Variants in USP35 observed in about 807,000 individuals in gnomAD.
USP35 encodes ubiquitin carboxyl-terminal hydrolase 35.
USP35 carries 69 observed loss-of-function variants against 83.8 expected under a neutral mutation model. The observed-to-expected ratio is 0.82, with a 90% CI of 0.68 to 1.01. USP35 has a LOEUF of 1.01. Ranked by LOEUF, USP35 falls within the 50% of genes least tolerant of loss-of-function variation. The pLI, the probability that USP35 is intolerant of heterozygous loss-of-function variation, is 0.00. For missense variants in USP35, 1,503 were observed against 1,362.5 expected (o/e 1.10, Z -1.62); for synonymous variants, 714 against 589.5 (o/e 1.21, Z -3.06).
chr11:78,198,148 G>T, intron 3 of USP35, 80 bp downstream of exon 3: 1 of 1,588,092 alleles, frequency 6.3e-7, no homozygotes, highest in Non-Finnish European at 8.6e-7. Flanking sequence ...TCCTGGGTGG[G>T]CCGCTGGGCT....
downstream of USP35, chr11:78,219,559 T>TGA (rs1303743423): frequency 1.4e-6 from 1 of 718,802 alleles, no homozygotes; most frequent in Non-Finnish European, 2.4e-6. Flanking sequence ...CTCAGGAGCC[T>TGA]GGCTTCTCTT....
chr11:78,209,950 A>G lies in USP35; in HGVS notation c.2095A>G (p.Ser699Gly). Residue 699 changes from serine (S) to glycine (G), a missense_variant, in exon 10 of 11, where the codon AGC becomes GGC. Physicochemically the swap from Ser to Gly is moderately conservative, Grantham distance 56 (BLOSUM62 0). Transcript: ENST00000529308. The stretch of plus-strand genomic sequence containing the variant: ...GGAAGAAGTGGGGGAGGAGGAGGAA[A>G]GCACCAGAGGGGAAGGAGAGAGGGA... The part of the protein sequence containing the change: ...EKEEVGEEEE[S>G]TRGEGEREKE... 6.2e-7 allele frequency: 1 copy of G among 1,609,702 alleles called. No homozygotes were observed. The highest frequency in any genetic ancestry group is 2.2e-5 in the East Asian group (1 of 44,728).
At chr11:78,197,884 G>A in intron 2 of USP35, 52 bp from the exon 3 acceptor site, 1 of 1,591,098 alleles carries the variant, frequency 6.3e-7, no homozygotes, top group African/African-American at 1.3e-5. Flanking sequence ...GTGTGCTGGG[G>A]GAAGGGAGGG....
At chr11:78,221,720 G>A in the USP35 span, 3 of 1,613,742 alleles carry the variant, frequency 1.9e-6, no homozygotes, top group Non-Finnish European at 8.5e-7. Context: ...GTCTGTGCTG[G>A]TGATGCTCTG....
chr11:78,212,810 G>T (rs1863841143), intron 10 of USP35, among the ~76,000 whole-genome samples: 2 of 152,104 alleles, frequency 1.3e-5, no homozygotes, highest in Non-Finnish European at 2.9e-5. Context: ...ATAATGACAT[G>T]ATTCTGTATC....
the USP35 span, among the ~76,000 whole-genome samples, chr11:78,224,609 G>A: frequency 1.3e-5 from 2 of 152,152 alleles, no homozygotes; most frequent in Non-Finnish European, 2.9e-5. Flanking sequence ...TGTCTTTTCA[G>A]TGGGCCTGAA....
the USP35 span, among the ~76,000 whole-genome samples, chr11:78,234,503 T>C: frequency 6.6e-6 from 1 of 151,528 alleles, no homozygotes; most frequent in Admixed American, 6.6e-5. Flanking sequence ...AATGTCAAGC[T>C]GTTTCAGCAT....
At position 78,200,184 on chromosome 11, in the gene USP35, C is replaced by T; in HGVS notation, c.988C>T (p.Leu330Phe). ...PIVRGAALSV[L>F]KYMLLTFQHS... ...CGTCCGGGGAGCTGCCTTGTCTGTG[C>T]TCAAGTACATGCTCCTGACCTTCCA... The change falls in exon 5 of 11, where the codon CTC becomes TTC. Residue 330 changes from leucine (L) to phenylalanine (F), a missense_variant. Physicochemically the swap from Leu to Phe is conservative, Grantham distance 22. Coordinates refer to ENST00000529308, the MANE Select transcript of USP35 (RefSeq NM_020798.4). The T allele has an allele frequency of 6.2e-7, 1 of 1,614,208 alleles. No homozygotes were observed. The highest frequency in any genetic ancestry group is 8.5e-7 in the Non-Finnish European group (1 of 1,180,024).
the USP35 span, among the ~76,000 whole-genome samples, chr11:78,227,724 C>T: frequency 1.1e-4 from 16 of 151,620 alleles, no homozygotes; most frequent in African/African-American, 3.9e-4. Context: ...CGCTTGAACC[C>T]AGAAGTTCGA....
chr11:78,205,948 A>T lies in USP35; in HGVS notation c.1304A>T (p.Lys435Met). 6.2e-7 allele frequency: 1 copy of T among 1,614,280 alleles called. No homozygotes were observed. Reference protein sequence around the residue: ...LAGFYPRLMAKSDTGKIGLIN... With the variant: ...LAGFYPRLMAMSDTGKIGLIN... ...GGTTTCTATCCCCGGCTCATGGCCAAGTCAGACACGGGCAAGATTGGTCTC... is the reference window on the plus strand; with the variant it reads ...GGTTTCTATCCCCGGCTCATGGCCATGTCAGACACGGGCAAGATTGGTCTC... The change falls in exon 7 of 11, where the codon AAG becomes ATG. Residue 435 changes from lysine to methionine, a missense_variant. Lys to Met is a moderately conservative substitution (Grantham distance 95). Coordinates refer to ENST00000529308, the MANE Select transcript of USP35 (RefSeq NM_020798.4).
downstream of USP35, chr11:78,216,626 G>C (rs1302261659): frequency 6.6e-6 from 1 of 150,516 alleles, no homozygotes; most frequent in Non-Finnish European, 1.5e-5. Context: ...AGAATAGGGG[G>C]CTGGAAGGAA....
Position 78,196,597 on chromosome 11 carries a change from G to A in USP35, c.352G>A (p.Asp118Asn). 7.9e-7 allele frequency: 1 copy of A among 1,267,898 alleles called. No homozygotes were observed. The allele number at this position is 1,267,898 out of a possible 1,614,324, so 78.5% of individuals were successfully genotyped here. A position where few individuals can be genotyped will look rare whatever the true frequency, so the allele number is the denominator to read the frequency against. ...LQLLPEGPAA[D>N]EVFALLRREV... ...GCTGCTGCCCGAGGGGCCTGCGGCCGACGAGGTGTTCGCGCTGCTGCGGCG... is the reference window on the plus strand; with the variant it reads ...GCTGCTGCCCGAGGGGCCTGCGGCCAACGAGGTGTTCGCGCTGCTGCGGCG... The change falls in exon 2 of 11, where the codon GAC (aspartate) becomes AAC (asparagine). Residue 118 changes from aspartate to asparagine, a missense_variant. Coordinates refer to ENST00000529308, the MANE Select transcript of USP35 (RefSeq NM_020798.4). This position sits in a 1 kb window ranked among gnomAD's most constrained non-coding sequence, Gnocchi z 4.8.
In USP35 at chr11:78,191,803, G is replaced by A. The variant is rs1401819940; in HGVS notation, c.-11+2646G>A. On this transcript the variant is annotated intron_variant, in intron 1 of 10. Transcript: ENST00000529308. ...TATCTGTGTCTCCCATCAGTGCCAG[G>A]TGGCCCAAAAATAGACTCATGACAG... Among the ~76,000 whole-genome samples, 7 of 151,650 alleles carry A rather than the reference G, an allele frequency of 4.6e-5. 1 individual carries two copies. Among genetic ancestry groups the A allele is most frequent in the Admixed American group, 2.0e-4 (3 of 15,220 alleles).
In USP35 at chr11:78,213,710, G is replaced by A. The variant is rs1273367358; in HGVS notation, c.2954G>A (p.Trp985Ter). The change falls in exon 11 of 11, where the codon TGG becomes TAG. Residue 985 changes from tryptophan (W) to a stop codon, truncating the protein, a stop_gained. Transcript: ENST00000529308. LOFTEE classifies it high-confidence loss of function. ...TCTGCACTCCCCACATCTCCGCACT[G>A]GGGGAGGGGCTTTGATGAAGACAAG... Reference protein sequence around the residue: ...YISALPTSPHWGRGFDEDKDE... With the variant: ...YISALPTSPH 6 of 1,533,762 alleles carry A rather than the reference G, an allele frequency of 3.9e-6. No individual in the cohort carries two copies. The highest frequency in any genetic ancestry group is 5.2e-6 in the Non-Finnish European group (6 of 1,150,590).
At chr11:78,224,373 T>C in the USP35 span, among the ~76,000 whole-genome samples, 1 of 151,932 alleles carries the variant, frequency 6.6e-6, no homozygotes, top group East Asian at 1.9e-4. Context: ...ACAAGGAGCA[T>C]ATTAGGAGTC....
the USP35 span, among the ~76,000 whole-genome samples, chr11:78,234,993 G>C: frequency 1.3e-5 from 2 of 152,040 alleles, no homozygotes; most frequent in Admixed American, 6.6e-5. Context: ...CCGGGAGACA[G>C]AGCGACAGAC....
the USP35 span, chr11:78,223,359 A>G: frequency 3.5e-6 from 5 of 1,416,692 alleles, no homozygotes; most frequent in East Asian, 7.7e-5. Context: ...AAGCAAATGG[A>G]AAGAGTCCCT....
the USP35 span, chr11:78,221,779 G>A: frequency 6.2e-7 from 1 of 1,608,136 alleles, no homozygotes; most frequent in African/African-American, 1.3e-5. Flanking sequence ...TGAAGGTGTG[G>A]CTGTTGTGGG....
chr11:78,214,227 T>G lies in USP35; in HGVS notation c.*414T>G, dbSNP rs2450136. ...ATAAAGCACAGCAGGATCCAAGCCT[T>G]GCACAAAGGGGTGGGGGGGGCAGTG... On this transcript the variant is annotated 3_prime_UTR_variant, in exon 11 of 11. Transcript: ENST00000529308. 0.23 allele frequency: 31,807 copies of G among 138,156 alleles called. 3,793 individuals carry two copies. The highest frequency in any genetic ancestry group is 0.41 in the East Asian group (1,840 of 4,466). The allele number at this position is 138,156 out of a possible 1,614,324, so 8.6% of individuals were successfully genotyped here.
Sources: allele counts gnomAD v4.1 joint callset (sites outside exome capture counted in the v4.1 genomes callset), GRCh38; gene constraint gnomAD v4.1.1; non-coding constraint Gnocchi (gnomAD v3.1); transcripts MANE v1.5; gene names NCBI Gene and HGNC (gene_info 2026-07-23, HGNC 2026-07-21).